Variants in RBFOX1 observed in about 807,000 individuals in gnomAD.
RBFOX1 encodes RNA binding protein fox-1 homolog 1.
RBFOX1 carries 8 observed loss-of-function variants against 57.7 expected under a neutral mutation model. That is an observed-to-expected ratio of 0.14 (90% CI 0.08 to 0.25). The LOEUF (loss-of-function observed/expected upper bound fraction) is 0.25, where lower values mean the gene tolerates loss of function less well. Ranked by LOEUF, RBFOX1 falls within the 10% of genes least tolerant of loss-of-function variation. The pLI is 1.00. For synonymous variants in RBFOX1, 326 were observed against 222.4 expected, an observed-to-expected ratio of 1.47 and a Z score of -4.15; for missense variants, 611 against 548.5, an observed-to-expected ratio of 1.11 and a Z score of -1.14.
At chr16:5,742,413 G>C in intron 3 of RBFOX1, among the ~76,000 whole-genome samples, 1 of 148,390 alleles carries the variant, frequency 6.7e-6, no homozygotes, top group East Asian at 2.0e-4. Context: ...AACAACTTTT[G>C]TGAGCCCAGT....
intron 2 of RBFOX1, among the ~76,000 whole-genome samples, chr16:6,627,793 C>G (rs1315634542): frequency 6.6e-6 from 1 of 152,126 alleles, no homozygotes; most frequent in Admixed American, 6.5e-5. Context: ...TGATAAAATG[C>G]TGTGTGTGCC....
intron 2 of RBFOX1, chr16:5,598,818 C>T: frequency 9.4e-7 from 1 of 1,065,108 alleles, no homozygotes; most frequent in African/African-American, 1.6e-5. Flanking sequence ...CTGGGTTGTG[C>T]TAAACTGGGT....
intron 1 of RBFOX1, among the ~76,000 whole-genome samples, chr16:5,405,922 T>C (rs928834108): frequency 2.0e-5 from 3 of 151,988 alleles, no homozygotes; most frequent in Non-Finnish European, 2.9e-5. Flanking sequence ...CAGGAGTCAG[T>C]AGGGAGAACG....
At chr16:5,311,958 T>C (rs575784907) in intron 1 of RBFOX1, among the ~76,000 whole-genome samples, 2 of 152,332 alleles carry the variant, frequency 1.3e-5, no homozygotes, top group Admixed American at 1.3e-4. Flanking sequence ...TCCTCCCCAG[T>C]AAATCATGAG....
intron 4 of RBFOX1, among the ~76,000 whole-genome samples, chr16:7,200,788 A>G (rs540636720): frequency 2.0e-5 from 3 of 152,294 alleles, no homozygotes; most frequent in Admixed American, 6.5e-5. Flanking sequence ...AGCCTCTAAT[A>G]GGGACTAACT....
At chr16:5,523,411 T>C (rs758267973) in intron 2 of RBFOX1, among the ~76,000 whole-genome samples, 1 of 152,070 alleles carries the variant, frequency 6.6e-6, no homozygotes, top group Non-Finnish European at 1.5e-5. Flanking sequence ...GCCTTGGAGT[T>C]TGGGACCAGC....
At chr16:5,758,081 G>T (rs1166237438) in intron 3 of RBFOX1, among the ~76,000 whole-genome samples, 1 of 152,164 alleles carries the variant, frequency 6.6e-6, no homozygotes, top group Admixed American at 6.5e-5. Context: ...GGGTGATACA[G>T]AATTCTGAGG....
In RBFOX1 at chr16:6,410,303, C is replaced by CTTTT. The variant is rs34012786; in HGVS notation, c.-64+93265_-64+93268dup. ...CCTGCTGAAACGATGACCTAGGGTT[C>CTTTT]TTTTTTTTTTTTTTTTTTTTTTGAG... On this transcript the variant is annotated intron_variant, in intron 2 of 15. Coordinates refer to ENST00000550418, the MANE Select transcript of RBFOX1 (RefSeq NM_018723.4). 1.1e-3 allele frequency among the ~76,000 whole-genome samples: 97 copies of CTTTT among 86,718 alleles called. 6 individuals carry two copies. The highest frequency in any genetic ancestry group is 7.4e-3 in the East Asian group (26 of 3,492). The allele number at this position is 86,718 out of a possible 152,430, so 56.9% of individuals were successfully genotyped here.
At chr16:7,094,767 T>TGTGTGTGG (rs2061419905) in intron 4 of RBFOX1, among the ~76,000 whole-genome samples, 2 of 140,894 alleles carry the variant, frequency 1.4e-5, no homozygotes, top group Admixed American at 7.2e-5. Context: ...TGTGTGTGTG[T>TGTGTGTGG]GTGTGTGTGG....
chr16:7,048,885 A>G (rs552439284), intron 3 of RBFOX1, among the ~76,000 whole-genome samples: 12 of 152,120 alleles, frequency 7.9e-5, no homozygotes, highest in South Asian at 2.1e-4. Context: ...TAAGCAATCA[A>G]TCTTGTTGCA....
chr16:7,364,223 C>A (rs571333913), intron 4 of RBFOX1, among the ~76,000 whole-genome samples: 3 of 152,300 alleles, frequency 2.0e-5, no homozygotes, highest in South Asian at 4.1e-4. Flanking sequence ...ATGTGCCGGG[C>A]TAGCGGCTTT....
At chr16:7,708,455 C>T (rs892445363) in intron 14 of RBFOX1, among the ~76,000 whole-genome samples, 1 of 152,048 alleles carries the variant, frequency 6.6e-6, no homozygotes, top group Admixed American at 6.6e-5. Context: ...ATTAATGTGA[C>T]AGAAGTTCTG....
At chr16:7,223,475 G>A (rs186477342) in intron 4 of RBFOX1, among the ~76,000 whole-genome samples, 43 of 152,292 alleles carry the variant, frequency 2.8e-4, no homozygotes, top group Admixed American at 1.0e-3. Flanking sequence ...TAATGCGAAT[G>A]ATAGAATATT....
intron 2 of RBFOX1, among the ~76,000 whole-genome samples, chr16:6,651,318 C>A (rs938720618): frequency 6.6e-6 from 1 of 152,234 alleles, no homozygotes; most frequent in Non-Finnish European, 1.5e-5. Context: ...CGCCATCTTT[C>A]TCTCCCAAGC....
chr16:6,073,649 T>C (rs1347414442), intron 1 of RBFOX1, among the ~76,000 whole-genome samples: 1 of 152,144 alleles, frequency 6.6e-6, no homozygotes, highest in East Asian at 1.9e-4. Flanking sequence ...TTACAGAAAA[T>C]ATTTAGAATG....
chr16:6,066,886 CA>C (rs2095771482), intron 1 of RBFOX1, among the ~76,000 whole-genome samples: 1 of 152,012 alleles, frequency 6.6e-6, no homozygotes, highest in Non-Finnish European at 1.5e-5. Flanking sequence ...TTAGACTTAA[CA>C]GGCTGCATTT....
intron 3 of RBFOX1, among the ~76,000 whole-genome samples, chr16:5,738,396 C>G (rs2052655701): frequency 6.6e-6 from 1 of 151,704 alleles, no homozygotes; most frequent in African/African-American, 2.4e-5. Flanking sequence ...GTTTGGGAGG[C>G]CAAGGCAAGC....
At chr16:6,823,320 G>A (rs1012044892) in intron 3 of RBFOX1, among the ~76,000 whole-genome samples, 1 of 151,266 alleles carries the variant, frequency 6.6e-6, no homozygotes, top group East Asian at 1.9e-4. Flanking sequence ...GCAATGGCAT[G>A]ATCTTGACTC....
intron 3 of RBFOX1, among the ~76,000 whole-genome samples, chr16:6,671,299 A>G (rs1362343602): frequency 1.3e-5 from 2 of 152,222 alleles, no homozygotes; most frequent in East Asian, 1.9e-4. Flanking sequence ...GCTATTAAAA[A>G]TGATGAATAC....
Sources: allele counts gnomAD v4.1 joint callset (sites outside exome capture counted in the v4.1 genomes callset), GRCh38; gene constraint gnomAD v4.1.1; transcripts MANE v1.5; gene names NCBI Gene and HGNC (gene_info 2026-07-23, HGNC 2026-07-21).